Variants in RELN observed in about 807,000 individuals in gnomAD.
RELN encodes reelin.
Under a neutral mutation model 427.6 loss-of-function variants are expected in RELN, and 108 were observed. The ratio of observed to expected loss-of-function variants is 0.25; its 90% CI spans 0.22 to 0.30. The LOEUF is 0.30. RELN is among the 10% of genes least tolerant of loss of function. The probability of loss-of-function intolerance (pLI) is 1.00; values close to 1 mark genes in which losing one functional copy is unlikely to be tolerated. For missense variants in RELN, 3,715 were observed against 4,302.8 expected (o/e 0.86, Z 3.82); for synonymous variants, 1,524 against 1,513.4 (o/e 1.01, Z -0.16).
In RELN at chr7:103,486,599, T is replaced by A. The variant is rs59684165; in HGVS notation, c.9764-183A>T. Among the ~76,000 whole-genome samples the A allele has an allele frequency of 0.015, 2,271 of 149,882 alleles. 66 individuals carry two copies. Among genetic ancestry groups the A allele is most frequent in the African/African-American group, 0.053 (2,173 of 41,006 alleles). On this transcript the variant is annotated intron_variant, in intron 60 of 64. Transcript: ENST00000428762. ...ACCCCATCAAAAAGTGGGTGAGGTTTTGAACAGACACTTCTCAAAAGAAGA... is the reference window on the plus strand; with the variant it reads ...ACCCCATCAAAAAGTGGGTGAGGTTATGAACAGACACTTCTCAAAAGAAGA...
intron 9 of RELN, among the ~76,000 whole-genome samples, chr7:103,700,110 T>C (rs1834059943): frequency 6.6e-6 from 1 of 152,046 alleles, no homozygotes; most frequent in African/African-American, 2.4e-5. Flanking sequence ...GTCACGAAAC[T>C]GATAAGAAAA....
At chr7:103,831,351 T>C (rs1793269298) in intron 3 of RELN, among the ~76,000 whole-genome samples, 1 of 152,070 alleles carries the variant, frequency 6.6e-6, no homozygotes, top group Non-Finnish European at 1.5e-5. Flanking sequence ...CAAGGGGAAT[T>C]TTCCTTGACA....
chr7:103,825,347 G>A (rs1477703781), intron 3 of RELN, among the ~76,000 whole-genome samples: 1 of 152,092 alleles, frequency 6.6e-6, no homozygotes, highest in Non-Finnish European at 1.5e-5. Context: ...CCTGGGCACT[G>A]TAAGGGATGA....
intron 1 of RELN, among the ~76,000 whole-genome samples, chr7:103,962,383 C>A (rs1016321285): frequency 6.6e-6 from 1 of 152,134 alleles, no homozygotes; most frequent in Non-Finnish European, 1.5e-5. Context: ...TCACTCCCAT[C>A]TTTCTCTGTG....
intron 22 of RELN, among the ~76,000 whole-genome samples, chr7:103,609,979 C>A (rs1046924085): frequency 6.6e-6 from 1 of 152,082 alleles, no homozygotes; most frequent in Non-Finnish European, 1.5e-5. Context: ...GTTAAGATCA[C>A]GTGATTAATT....
intron 24 of RELN, among the ~76,000 whole-genome samples, chr7:103,597,838 A>C (rs1831573893): frequency 6.6e-6 from 1 of 152,148 alleles, no homozygotes. Context: ...GAAATTAACA[A>C]GGTTTGTCAT....
chr7:103,852,021 T>A (rs973598551), intron 2 of RELN, among the ~76,000 whole-genome samples: 3 of 152,164 alleles, frequency 2.0e-5, no homozygotes, highest in African/African-American at 7.2e-5. Context: ...CTATGTAAGA[T>A]TGTTGAGTTA....
In RELN at chr7:103,640,982, A is replaced by G. The variant is rs2117363091; in HGVS notation, c.2003-373T>C. 6.6e-6 allele frequency among the ~76,000 whole-genome samples: 1 copy of G among 152,312 alleles called. No individual in the cohort carries two copies. The highest frequency in any genetic ancestry group is 1.5e-5 in the Non-Finnish European group (1 of 68,020). On this transcript the variant is annotated intron_variant, in intron 16 of 64. Transcript: ENST00000428762. This position sits in a 1 kb window ranked among gnomAD's most constrained non-coding sequence, Gnocchi z 4.1. Reference sequence around the variant, plus strand: ...ACCAATCTGATATATCACAATATGGAGAAGTCACCCCATAATTTTCATTTC... The same window carrying G: ...ACCAATCTGATATATCACAATATGGGGAAGTCACCCCATAATTTTCATTTC...
chr7:103,970,715 G>A (rs1476212115), intron 1 of RELN, among the ~76,000 whole-genome samples: 1 of 152,178 alleles, frequency 6.6e-6, no homozygotes, highest in African/African-American at 2.4e-5. Context: ...ATAAAACAAA[G>A]TTATGTATTG....
At chr7:103,489,969 C>A in intron 59 of RELN, 70 bp from the exon 60 acceptor site, 1 of 1,580,602 alleles carries the variant, frequency 6.3e-7, no homozygotes, top group Non-Finnish European at 8.7e-7. Flanking sequence ...CTGCCTCCAG[C>A]CTCTGGGAGA....
intron 12 of RELN, among the ~76,000 whole-genome samples, chr7:103,657,967 C>A (rs78617217): frequency 6.6e-6 from 1 of 152,008 alleles, no homozygotes; most frequent in Non-Finnish European, 1.5e-5. Context: ...TGTTGTGCTG[C>A]CCTAATTGCA....
At position 103,641,698 on chromosome 7, in the gene RELN, C is replaced by T. The variant is rs1832697095; in HGVS notation, c.2003-1089G>A. Among the ~76,000 whole-genome samples, 3 of 152,084 alleles carry T rather than the reference C, an allele frequency of 2.0e-5. No individual in the cohort carries two copies. In the South Asian group the frequency reaches 6.2e-4, roughly 32 times the overall value. ...AAACATATTATGCTTAGCATGGTAC[C>T]CAGCACTACATGGTTATAATCAGCA... is the stretch of plus-strand genomic sequence containing the variant. On this transcript the variant is annotated intron_variant, in intron 16 of 64. Transcript: ENST00000428762.
At chr7:103,611,488 T>C in intron 21 of RELN, 123 bp downstream of exon 21, 1 of 730,618 alleles carries the variant, frequency 1.4e-6, no homozygotes, top group Non-Finnish European at 2.3e-6. Context: ...TTACAAATAT[T>C]AAATAACACT....
rs762805838 is a variant in RELN at position 103,640,617 on chromosome 7, A to AG, written c.2003-9dup. The AG allele has an allele frequency of 6.2e-7, 1 of 1,613,616 alleles. No homozygotes were observed. The highest frequency in any genetic ancestry group is 1.1e-5 in the South Asian group (1 of 91,072). On this transcript the variant is annotated splice_polypyrimidine_tract_variant and intron_variant, in intron 16 of 64. Transcript: ENST00000428762. This position sits in a 1 kb window ranked among gnomAD's most constrained non-coding sequence, Gnocchi z 4.1. ...ATGACGGGCCAATATAAACTGTGGG[A>AG]GGGAAAAAGAGAACATAATTACAAA...
At chr7:103,760,459 A>G (rs1304197267) in intron 4 of RELN, among the ~76,000 whole-genome samples, 1 of 152,110 alleles carries the variant, frequency 6.6e-6, no homozygotes, top group Non-Finnish European at 1.5e-5. Flanking sequence ...ATTTTAAAGT[A>G]ATCATCTGAC....
chr7:103,936,300 C>A (rs1795983287), intron 1 of RELN, among the ~76,000 whole-genome samples: 1 of 152,040 alleles, frequency 6.6e-6, no homozygotes, highest in Non-Finnish European at 1.5e-5. Flanking sequence ...AACATGTTGG[C>A]CAGGCTGGTC....
rs867717793 is a variant in RELN at position 103,824,209 on chromosome 7, T to C, written c.473+9328A>G. Among the ~76,000 whole-genome samples the C allele has an allele frequency of 6.7e-6, 1 of 148,292 alleles. No homozygotes were observed. On this transcript the variant is annotated intron_variant, in intron 3 of 64. Coordinates refer to ENST00000428762, the MANE Select transcript of RELN (RefSeq NM_005045.4). The surrounding 1 kb of genome is among the most constrained non-coding windows in gnomAD (Gnocchi z 4.4). ...TGCCATTATCTCTTCAAATTTGTCT[T>C]ATTATTTTTATTCTCTCCTTCTAAA... is the stretch of plus-strand genomic sequence containing the variant.
chr7:103,501,021 T>C (rs926214958), intron 52 of RELN, 99 bp from the exon 53 acceptor site: 1 of 1,054,322 alleles, frequency 9.5e-7, no homozygotes. Context: ...GAAAAAACAT[T>C]TAAGATACTC....
At chr7:103,520,463 A>G (rs1232075627) in intron 48 of RELN, among the ~76,000 whole-genome samples, 1 of 152,004 alleles carries the variant, frequency 6.6e-6, no homozygotes, top group Non-Finnish European at 1.5e-5. Flanking sequence ...TTTAATGGCG[A>G]TGGGGTTTCA....
Sources: allele counts gnomAD v4.1 joint callset (sites outside exome capture counted in the v4.1 genomes callset), GRCh38; gene constraint gnomAD v4.1.1; non-coding constraint Gnocchi (gnomAD v3.1); transcripts MANE v1.5; gene names NCBI Gene and HGNC (gene_info 2026-07-23, HGNC 2026-07-21).